Variants in MDGA1 observed in about 807,000 individuals in gnomAD.
The protein encoded by MDGA1 is MAM domain-containing glycosylphosphatidylinositol anchor protein 1.
MDGA1 carries 54 observed loss-of-function variants against 101.5 expected under a neutral mutation model. The ratio of observed to expected loss-of-function variants is 0.53; its 90% CI spans 0.43 to 0.67. The LOEUF is 0.67. Among genes scored for constraint, MDGA1 ranks in the 30% least tolerant of loss-of-function variants. MDGA1 has a pLI of 0.00. For synonymous variants in MDGA1, 533 were observed against 558.3 expected (o/e 0.95, Z 0.64); for missense variants, 1,083 against 1,323.8 (o/e 0.82, Z 2.82).
At chr6:37,660,711 G>A (rs1022700577) in intron 2 of MDGA1, among the ~76,000 whole-genome samples, 1 of 151,954 alleles carries the variant, frequency 6.6e-6, no homozygotes, top group Non-Finnish European at 1.5e-5. Context: ...AAATTGCTCT[G>A]TTTTCTCTAG....
At chr6:37,669,800 C>T (rs1451709800) in intron 1 of MDGA1, among the ~76,000 whole-genome samples, 1 of 152,226 alleles carries the variant, frequency 6.6e-6, no homozygotes, top group Non-Finnish European at 1.5e-5. Flanking sequence ...TGCTTCTGGG[C>T]CAGGCACTGT....
intron 6 of MDGA1, among the ~76,000 whole-genome samples, chr6:37,653,610 GAAAAC>G (rs1761417413): frequency 6.6e-6 from 1 of 152,024 alleles, no homozygotes; most frequent in South Asian, 2.1e-4. Context: ...AAAAAGAAAA[GAAAAC>G]AAACAAAATC....
intron 1 of MDGA1, among the ~76,000 whole-genome samples, chr6:37,675,278 C>T (rs150624338): frequency 6.6e-6 from 1 of 152,146 alleles, no homozygotes; most frequent in African/African-American, 2.4e-5. Context: ...CCTCCTTTAG[C>T]CTCAGTTTCT....
chr6:37,688,962 G>A (rs907274346), intron 1 of MDGA1, among the ~76,000 whole-genome samples: 6 of 152,142 alleles, frequency 3.9e-5, no homozygotes, highest in African/African-American at 9.7e-5. Flanking sequence ...CCAGATTCAC[G>A]CAGAATCTCA....
intron 1 of MDGA1, among the ~76,000 whole-genome samples, chr6:37,683,738 A>G (rs1336689333): frequency 6.6e-6 from 1 of 152,216 alleles, no homozygotes; most frequent in African/African-American, 2.4e-5. Flanking sequence ...CACCGATGTA[A>G]CTGACTTGAT....
Position 37,646,295 on chromosome 6 carries a change from G to T in MDGA1, c.2127C>A (p.Thr709=), listed in dbSNP as rs745931908. The change falls in exon 11 of 17, where the codon ACC becomes ACA. Residue 709 remains threonine (T), a synonymous_variant. Coordinates refer to ENST00000434837, the MANE Select transcript of MDGA1 (RefSeq NM_153487.4). ...CATAGCTGTGGGGCACACGGAGATC[G>T]GTCAGGATGTACTCCAGCAGCTGCC... ...EKGQLLEYIL[T]DLRVPHSYEV... 11 of 1,600,572 alleles carry T rather than the reference G, an allele frequency of 6.9e-6. No homozygotes were observed. The highest frequency in any genetic ancestry group is 8.5e-6 in the Non-Finnish European group (10 of 1,173,214).
intron 1 of MDGA1, 182 bp from the exon 2 acceptor site, chr6:37,664,288 G>A (rs1761693585): frequency 1.5e-6 from 1 of 679,226 alleles, no homozygotes; most frequent in Admixed American, 2.9e-5. Context: ...ACAGAACCAG[G>A]CGGGCCAGGA....
chr6:37,675,400 TG>T (rs1226325610), intron 1 of MDGA1, among the ~76,000 whole-genome samples: 1 of 152,136 alleles, frequency 6.6e-6, no homozygotes, highest in East Asian at 1.9e-4. Flanking sequence ...CACAGTGACT[TG>T]TACTCAGCAG....
At chr6:37,682,050 C>T (rs1762107502) in intron 1 of MDGA1, among the ~76,000 whole-genome samples, 1 of 152,250 alleles carries the variant, frequency 6.6e-6, no homozygotes. Context: ...ACATCACACA[C>T]ACACACACCC....
chr6:37,682,460 G>C (rs1762116177), intron 1 of MDGA1, among the ~76,000 whole-genome samples: 1 of 152,120 alleles, frequency 6.6e-6, no homozygotes, highest in Non-Finnish European at 1.5e-5. Context: ...CTCCAGCCTG[G>C]GTGACAGAGA....
Position 37,649,054 on chromosome 6 carries a change from C to T in MDGA1, c.1822G>A (p.Asp608Asn). ...CTGCACTCGTAGCTGCCGCTGCTGT[C>T]GCGAGTTACGGCGTCGAGGCGCAGC... is the stretch of plus-strand genomic sequence containing the variant. ...AELRLDAVTRDSSGSYECSVS... is the reference protein window; with the variant it reads ...AELRLDAVTRNSSGSYECSVS... Residue 608 changes from aspartate (D) to asparagine (N), a missense_variant, in exon 9 of 17, where the codon GAC (aspartate) becomes AAC (asparagine). Around this residue, in one of 3 missense-constraint regions of MDGA1, gnomAD observed 657 missense variants for 771.4 expected, o/e 0.85. Transcript: ENST00000434837. 6.5e-7 allele frequency: 1 copy of T among 1,544,010 alleles called. No individual in the cohort carries two copies. Among genetic ancestry groups the T allele is most frequent in the Admixed American group, 2.0e-5 (1 of 50,916 alleles).
chr6:37,644,525 G>A lies in MDGA1; in HGVS notation c.2373C>T (p.Pro791=). The change falls in exon 13 of 17, where the codon CCC becomes CCT. Residue 791 remains proline, a synonymous_variant. Transcript: ENST00000434837. ...CAGGGGTGCCACTTATGTCGGTGGG[G>A]GGACCAGTGTTGGGGGAGCGTTTGG... ...QNPKRSPNTG[P]PTDISGTPEG... 3 of 1,595,816 alleles carry A rather than the reference G, an allele frequency of 1.9e-6. No homozygotes were observed. The highest frequency in any genetic ancestry group is 1.1e-5 in the South Asian group (1 of 88,290).
At chr6:37,663,885 C>G (rs1761681373) in intron 2 of MDGA1, 82 bp downstream of exon 2, 2 of 1,514,402 alleles carry the variant, frequency 1.3e-6, no homozygotes, top group Admixed American at 3.6e-5. Flanking sequence ...GAGTCCTCAT[C>G]TCCTGCTGCC....
At chr6:37,646,452 C>G in intron 10 of MDGA1, 77 bp from the exon 11 acceptor site, 4 of 1,284,592 alleles carry the variant, frequency 3.1e-6, no homozygotes, top group Non-Finnish European at 4.1e-6. Context: ...AGGACAATCA[C>G]CCCTTCCGTG....
At chr6:37,675,844 G>C (rs1439249127) in intron 1 of MDGA1, among the ~76,000 whole-genome samples, 1 of 152,186 alleles carries the variant, frequency 6.6e-6, no homozygotes, top group African/African-American at 2.4e-5. Context: ...TGGTTCACTT[G>C]GCACTGGTCC....
chr6:37,685,970 A>T (rs1156965596), intron 1 of MDGA1, among the ~76,000 whole-genome samples: 1 of 152,148 alleles, frequency 6.6e-6, no homozygotes, highest in Non-Finnish European at 1.5e-5. Flanking sequence ...CCTTTCATTC[A>T]AGAAACACCA....
chr6:37,649,529 C>CCCCACG (rs1761307105), intron 8 of MDGA1, among the ~76,000 whole-genome samples: 1 of 152,164 alleles, frequency 6.6e-6, no homozygotes, highest in Non-Finnish European at 1.5e-5. Flanking sequence ...GGGCCCCTCA[C>CCCCACG]CCCACGCCCA....
chr6:37,642,502 C>T (rs1581843784), intron 14 of MDGA1, among the ~76,000 whole-genome samples: 2 of 152,154 alleles, frequency 1.3e-5, no homozygotes, highest in African/African-American at 2.4e-5. Flanking sequence ...GATAAAGTAT[C>T]TCTGAAAATT....
intron 1 of MDGA1, among the ~76,000 whole-genome samples, chr6:37,664,598 A>AACACACACAC (rs763900728): frequency 4.4e-5 from 2 of 45,666 alleles, no homozygotes; most frequent in Non-Finnish European, 9.6e-5. Context: ...TCTCCCCCAC[A>AACACACACAC]ATACACACAC....
Sources: allele counts gnomAD v4.1 joint callset (sites outside exome capture counted in the v4.1 genomes callset), GRCh38; gene constraint gnomAD v4.1.1; regional missense constraint gnomAD v4.1.1; transcripts MANE v1.5; gene names NCBI Gene and HGNC (gene_info 2026-07-23, HGNC 2026-07-21).